The following IRAK1BP1 variants were observed in gnomAD, a reference collection of about 807,000 sequenced individuals.
IRAK1BP1 encodes the protein interleukin 1 receptor associated kinase 1 binding protein 1.
In IRAK1BP1, 24 loss-of-function variants were observed where a neutral mutation model predicts 28.0. The ratio of observed to expected loss-of-function variants is 0.86; its 90% CI spans 0.62 to 1.20. The LOEUF is 1.20. Among genes scored for constraint, IRAK1BP1 ranks in the 50% most tolerant of loss-of-function variants. The probability of loss-of-function intolerance (pLI) is 0.00; values close to 1 mark genes in which losing one functional copy is unlikely to be tolerated. For missense variants in IRAK1BP1, 336 were observed against 316.7 expected (o/e 1.06, Z -0.46); for synonymous variants, 131 against 116.3 (o/e 1.13, Z -0.81).
chr6:78,930,573 T>C (rs143448210), intron 4 of IRAK1BP1, among the ~76,000 whole-genome samples: 5 of 152,172 alleles, frequency 3.3e-5, no homozygotes, highest in African/African-American at 1.2e-4. Flanking sequence ...ATTAAAATTT[T>C]TGATTAATAT....
chr6:78,883,798 ATC>A (rs1363251344), intron 1 of IRAK1BP1, among the ~76,000 whole-genome samples: 1 of 152,108 alleles, frequency 6.6e-6, no homozygotes, highest in Admixed American at 6.6e-5. Context: ...GCGTGATGAA[ATC>A]TCTGTGTCCT....
At chr6:78,879,498 A>G (rs540205996) in intron 1 of IRAK1BP1, among the ~76,000 whole-genome samples, 2 of 152,348 alleles carry the variant, frequency 1.3e-5, no homozygotes, top group South Asian at 4.1e-4. Context: ...TGTTGCTGCA[A>G]CAGTCAAATG....
chr6:78,935,901 A>T, intron 4 of IRAK1BP1: 1 of 243,358 alleles, frequency 4.1e-6, no homozygotes, highest in Non-Finnish European at 6.6e-6. Context: ...TTTATTTAAA[A>T]ATAAGTTTGT....
At chr6:78,912,684 A>C (rs938513191) in intron 4 of IRAK1BP1, among the ~76,000 whole-genome samples, 1 of 152,212 alleles carries the variant, frequency 6.6e-6, no homozygotes, top group Admixed American at 6.5e-5. Flanking sequence ...GAATGGTTAG[A>C]TTGTGATGTT....
At chr6:78,918,942 C>T (rs185831789) in intron 4 of IRAK1BP1, among the ~76,000 whole-genome samples, 5 of 152,312 alleles carry the variant, frequency 3.3e-5, no homozygotes, top group African/African-American at 1.2e-4. Context: ...AGATTGACCA[C>T]ATGCTTGGCC....
At chr6:78,872,650 G>A (rs1293578755) in intron 1 of IRAK1BP1, among the ~76,000 whole-genome samples, 3 of 152,150 alleles carry the variant, frequency 2.0e-5, no homozygotes, top group Non-Finnish European at 4.4e-5. Context: ...AGATTTTGGA[G>A]CATTTTGGAT....
chr6:78,958,363 G>C, the IRAK1BP1 span: 1 of 664,980 alleles, frequency 1.5e-6, no homozygotes, highest in Admixed American at 2.8e-5. Flanking sequence ...GAGCTATTTT[G>C]GCTACTCTTA....
At chr6:78,945,758 G>GC in exon 5 of IRAK1BP1, 1 of 597,724 alleles carries the variant, frequency 1.7e-6, no homozygotes, top group South Asian at 2.2e-5. Flanking sequence ...TGTGGGTACT[G>GC]TGATTTAAAT....
In IRAK1BP1 at chr6:78,901,138, A is replaced by C. The variant is rs1772079985; in HGVS notation, c.*2804A>C. ...GGTTCATGCTGTATTTGGTTGCATC[A>C]TATTTGATAAAGAAGCTTCCAACTT... On this transcript the variant is annotated 3_prime_UTR_variant, in exon 4 of 4. Transcript: ENST00000369940. 1 of 151,376 alleles carries C rather than the reference A, an allele frequency of 6.6e-6. No individual in the cohort carries two copies. Among genetic ancestry groups the C allele is most frequent in the Non-Finnish European group, 1.5e-5 (1 of 67,856 alleles). 9.4% of individuals were successfully genotyped at this position (151,376 alleles called of 1,614,324 possible).
At chr6:78,888,635 A>G (rs1010633345) in intron 2 of IRAK1BP1, among the ~76,000 whole-genome samples, 2 of 151,274 alleles carry the variant, frequency 1.3e-5, no homozygotes, top group African/African-American at 2.4e-5. Flanking sequence ...CTCCTGCCTC[A>G]GCCTCTGGAG....
the IRAK1BP1 span, among the ~76,000 whole-genome samples, chr6:78,967,999 G>A: frequency 1.3e-4 from 19 of 151,980 alleles, no homozygotes; most frequent in African/African-American, 2.2e-4. Context: ...TTAGCCAGGC[G>A]TGGTGGCAGG....
intron 4 of IRAK1BP1, among the ~76,000 whole-genome samples, chr6:78,911,255 T>C (rs1772410534): frequency 6.6e-6 from 1 of 152,148 alleles, no homozygotes; most frequent in African/African-American, 2.4e-5. Context: ...CGCAGTGACC[T>C]AACTTAAATG....
At chr6:78,932,713 T>C (rs184041965) in intron 4 of IRAK1BP1, among the ~76,000 whole-genome samples, 1 of 152,032 alleles carries the variant, frequency 6.6e-6, no homozygotes, top group Non-Finnish European at 1.5e-5. Flanking sequence ...GCCACTGTGC[T>C]TGGCCTACAA....
the IRAK1BP1 span, among the ~76,000 whole-genome samples, chr6:78,954,308 G>T: frequency 6.6e-6 from 1 of 151,522 alleles, no homozygotes; most frequent in Non-Finnish European, 1.5e-5. Context: ...GGATTTCACC[G>T]TGTTAGCCAG....
chr6:78,970,065 C>T, the IRAK1BP1 span: 1 of 1,613,328 alleles, frequency 6.2e-7, no homozygotes, highest in Non-Finnish European at 8.5e-7. Context: ...GTAAATGATC[C>T]GCCAGTCAGT....
At chr6:78,947,066 T>G (rs1448936690), downstream of IRAK1BP1, among the ~76,000 whole-genome samples, 1 of 152,214 alleles carries the variant, frequency 6.6e-6, no homozygotes, top group African/African-American at 2.4e-5. Flanking sequence ...TTTTTGTGTT[T>G]AGAACAGAAA....
rs1181942878 is a variant in IRAK1BP1 at position 78,883,153 on chromosome 6, C to T, written c.316-2225C>T. ...TGTGCCTGTTATCCTCCTAGCTACT[C>T]AGGAGGCTGAGGCAGAAAGATTGCT... On this transcript the variant is annotated intron_variant, in intron 1 of 3. Coordinates refer to ENST00000369940, the MANE Select transcript of IRAK1BP1 (RefSeq NM_001010844.4). Among the ~76,000 whole-genome samples, 3 of 152,058 alleles carry T rather than the reference C, an allele frequency of 2.0e-5. No individual in the cohort carries two copies. The East Asian group carries it at 5.8e-4, about 29-fold the overall frequency.
chr6:78,972,319 T>C, the IRAK1BP1 span, among the ~76,000 whole-genome samples: 4 of 152,316 alleles, frequency 2.6e-5, no homozygotes, highest in East Asian at 5.8e-4. Flanking sequence ...CTGAGGGTCC[T>C]GTCTGTTAGA....
chr6:78,947,879 A>G (rs1773913842), downstream of IRAK1BP1: 2 of 699,424 alleles, frequency 2.9e-6, no homozygotes, highest in Non-Finnish European at 4.9e-6. Flanking sequence ...CAAGTCCTAG[A>G]ACTCTTAATA....
Sources: allele counts gnomAD v4.1 joint callset (sites outside exome capture counted in the v4.1 genomes callset), GRCh38; gene constraint gnomAD v4.1.1; transcripts MANE v1.5; gene names NCBI Gene and HGNC (gene_info 2026-07-23, HGNC 2026-07-21).